The following SLC5A4 variants were observed in gnomAD, a reference collection of about 807,000 sequenced individuals.
SLC5A4 encodes the protein probable glucose sensor protein SLC5A4.
SLC5A4 carries 55 observed loss-of-function variants against 70.3 expected under a neutral mutation model. That is an observed-to-expected ratio of 0.78 (90% CI 0.63 to 0.98). SLC5A4 has a LOEUF of 0.98. Among genes scored for constraint, SLC5A4 ranks in the 50% least tolerant of loss-of-function variants. SLC5A4 has a pLI of 0.00. For missense variants in SLC5A4, 735 were observed against 839.2 expected, an observed-to-expected ratio of 0.88 and a Z score of 1.53; for synonymous variants, 268 against 305.7, an observed-to-expected ratio of 0.88 and a Z score of 1.29.
chr22:32,344,722 T>G, the SLC5A4 span, among the ~76,000 whole-genome samples: 1 of 152,166 alleles, frequency 6.6e-6, no homozygotes. Flanking sequence ...TTATGGCAAC[T>G]TTTAGAATGA....
At chr22:32,332,457 T>G in the SLC5A4 span, among the ~76,000 whole-genome samples, 1 of 152,214 alleles carries the variant, frequency 6.6e-6, no homozygotes, top group Non-Finnish European at 1.5e-5. Context: ...GGCTCATTCC[T>G]TTCCATCCTA....
At chr22:32,326,774 A>G in the SLC5A4 span, among the ~76,000 whole-genome samples, 13 of 152,326 alleles carry the variant, frequency 8.5e-5, no homozygotes, top group Admixed American at 3.9e-4. Context: ...AGGCTGGATT[A>G]ACTGGCTAGG....
chr22:32,334,174 C>T, the SLC5A4 span, among the ~76,000 whole-genome samples: 3 of 151,520 alleles, frequency 2.0e-5, no homozygotes, highest in South Asian at 6.3e-4. Context: ...ACAGACATCA[C>T]ACAATGCACA....
chr22:32,224,339 G>A lies in SLC5A4; in HGVS notation c.1593C>T (p.Ile531=), dbSNP rs372964834. The A allele has an allele frequency of 3.1e-6, 5 of 1,613,978 alleles. No individual in the cohort carries two copies. Among genetic ancestry groups the A allele is most frequent in the East Asian group, 2.2e-5 (1 of 44,892 alleles). The part of the protein sequence containing the change: ...ICGVHYLYFS[I]VLFFGSMLVT... ...CCAGCATGGACCCAAAAAAGAGAAC[G>A]ATGGAAAAGTACAGATAGTGCACTC... The change falls in exon 13 of 15, where the codon ATC becomes ATT. Residue 531 remains isoleucine (I), a synonymous_variant. Coordinates refer to ENST00000266086, the MANE Select transcript of SLC5A4 (RefSeq NM_014227.3).
At chr22:32,318,415 A>G in the SLC5A4 span, among the ~76,000 whole-genome samples, 1 of 152,044 alleles carries the variant, frequency 6.6e-6, no homozygotes, top group African/African-American at 2.4e-5. Flanking sequence ...CGAAAATCCC[A>G]ACCTTCCTCC....
chr22:32,351,276 A>ATT, the SLC5A4 span, among the ~76,000 whole-genome samples: 16 of 152,176 alleles, frequency 1.1e-4, no homozygotes, highest in Non-Finnish European at 4.4e-5. Context: ...TTGACGCTTC[A>ATT]TTTTTTGATT....
At chr22:32,292,280 TTATA>T in the SLC5A4 span, among the ~76,000 whole-genome samples, 2 of 101,294 alleles carry the variant, frequency 2.0e-5, no homozygotes, top group African/African-American at 7.2e-5. Flanking sequence ...ATACTAGATA[TTATA>T]TATAATATAT....
chr22:32,292,857 TAG>T, the SLC5A4 span, among the ~76,000 whole-genome samples: 3 of 152,308 alleles, frequency 2.0e-5, no homozygotes, highest in Admixed American at 2.0e-4. Flanking sequence ...TGACCTGTTG[TAG>T]AGAGAGGTAG....
At chr22:32,335,067 G>A in the SLC5A4 span, among the ~76,000 whole-genome samples, 44 of 152,328 alleles carry the variant, frequency 2.9e-4, no homozygotes, top group African/African-American at 9.6e-4. Context: ...GCCTCCAAGA[G>A]ATCACAGGGA....
At chr22:32,349,654 T>C in the SLC5A4 span, among the ~76,000 whole-genome samples, 3 of 152,238 alleles carry the variant, frequency 2.0e-5, no homozygotes, top group Admixed American at 6.5e-5. Flanking sequence ...TAAAAGGCAT[T>C]AGAGCTTCTA....
the SLC5A4 span, among the ~76,000 whole-genome samples, chr22:32,264,399 C>T: frequency 5.4e-3 from 818 of 151,892 alleles, 10 homozygotes; most frequent in African/African-American, 0.019. Context: ...ATGGTGAGAC[C>T]CCCATCTCTA....
chr22:32,232,870 AAG>A (rs1242921714), intron 9 of SLC5A4, 27 bp downstream of exon 9: 9 of 1,586,184 alleles, frequency 5.7e-6, no homozygotes, highest in Non-Finnish European at 6.0e-6. Context: ...AGCATAAAAA[AAG>A]AGAGAACATA....
the SLC5A4 span, among the ~76,000 whole-genome samples, chr22:32,291,053 A>G: frequency 3.9e-5 from 6 of 152,022 alleles, no homozygotes; most frequent in Admixed American, 2.0e-4. Context: ...CATTTTCATC[A>G]TATGAGTTTT....
chr22:32,223,468 ATAT>A (rs979452326), intron 13 of SLC5A4, among the ~76,000 whole-genome samples: 9 of 152,198 alleles, frequency 5.9e-5, no homozygotes, highest in African/African-American at 2.2e-4. Context: ...AATATTATTC[ATAT>A]TAAACATTTT....
chr22:32,249,707 A>G (rs1927032184), intron 3 of SLC5A4, among the ~76,000 whole-genome samples: 1 of 152,214 alleles, frequency 6.6e-6, no homozygotes, highest in Non-Finnish European at 1.5e-5. Context: ...GAATATGCAC[A>G]TGCATGTACA....
intron 11 of SLC5A4, 92 bp downstream of exon 11, chr22:32,229,102 C>T (rs1603226679): frequency 8.0e-7 from 1 of 1,243,736 alleles, no homozygotes; most frequent in African/African-American, 1.5e-5. Flanking sequence ...GCTATGATTA[C>T]TTTCACCAAA....
Position 32,238,987 on chromosome 22 carries a change from G to C in SLC5A4, c.581C>G (p.Thr194Ser). The C allele has an allele frequency of 6.2e-7, 1 of 1,608,086 alleles. No individual in the cohort carries two copies. The highest frequency in any genetic ancestry group is 8.5e-7 in the Non-Finnish European group (1 of 1,174,484). ...LLAMTAVYTT[T>S]GGLASVIYTD... The stretch of plus-strand genomic sequence containing the variant: ...AGCAAAATATGCAACATACTTACCA[G>C]TGGTGGTGTAAACAGCAGTCATAGC... Residue 194 changes from threonine to serine, a missense_variant and splice_region_variant, in exon 6 of 15, where the codon ACT (threonine) becomes AGT (serine). Coordinates refer to ENST00000266086, the MANE Select transcript of SLC5A4 (RefSeq NM_014227.3).
chr22:32,272,160 G>T, the SLC5A4 span: 2 of 712,384 alleles, frequency 2.8e-6, no homozygotes, highest in Non-Finnish European at 5.2e-6. Context: ...GCTACGCGTG[G>T]CCGCCGGGAC....
chr22:32,308,395 G>A, the SLC5A4 span, among the ~76,000 whole-genome samples: 1 of 152,224 alleles, frequency 6.6e-6, no homozygotes, highest in Non-Finnish European at 1.5e-5. Context: ...ACAGCGGCTA[G>A]AGGGATGTAA....
Sources: allele counts gnomAD v4.1 joint callset (sites outside exome capture counted in the v4.1 genomes callset), GRCh38; gene constraint gnomAD v4.1.1; transcripts MANE v1.5; gene names NCBI Gene and HGNC (gene_info 2026-07-23, HGNC 2026-07-21).